Variants in DCBLD2 observed in about 807,000 individuals in gnomAD.
The protein encoded by DCBLD2 is discoidin, CUB and LCCL domain-containing protein 2.
In DCBLD2, 54 loss-of-function variants were observed where a neutral mutation model predicts 86.8. The ratio of observed to expected loss-of-function variants is 0.62; its 90% confidence interval spans 0.50 to 0.78. The LOEUF is 0.78. Among genes scored for constraint, DCBLD2 ranks in the 30% least tolerant of loss-of-function variants. The pLI, the probability that DCBLD2 is intolerant of heterozygous loss-of-function variation, is 0.00. For synonymous variants in DCBLD2, 354 were observed against 341.3 expected (o/e 1.04, Z -0.41); for missense variants, 908 against 954.2 (o/e 0.95, Z 0.64).
intron 9 of DCBLD2, chr3:98,815,630 A>G (rs1310044911): frequency 6.6e-6 from 1 of 152,224 alleles, no homozygotes; most frequent in Non-Finnish European, 1.5e-5. Flanking sequence ...AGATGAGGAT[A>G]TTAAAAGAGC....
In DCBLD2 at chr3:98,901,507, C is replaced by T. The variant is rs1005921646; in HGVS notation, c.-181G>A. The T allele has an allele frequency of 6.6e-4, 327 of 498,154 alleles. No individual in the cohort carries two copies. The highest frequency in any genetic ancestry group is 7.7e-4 in the Non-Finnish European group (249 of 324,852). The allele number at this position is 498,154 out of a possible 1,614,324, so 30.9% of individuals were successfully genotyped here. ...GCTTTCACCTACTCCTCCTTCGTCC[C>T]TTCCCTCCGCTCCCCGCGCCGAGAC... is the stretch of plus-strand genomic sequence containing the variant. On this transcript the variant is annotated 5_prime_UTR_variant, in exon 1 of 16. Transcript: ENST00000326840.
At chr3:98,848,628 T>C (rs114249628) in intron 3 of DCBLD2, among the ~76,000 whole-genome samples, 2 of 152,134 alleles carry the variant, frequency 1.3e-5, no homozygotes, top group African/African-American at 4.8e-5. Flanking sequence ...CTCACCAGCA[T>C]CTGAATAACC....
intron 2 of DCBLD2, among the ~76,000 whole-genome samples, chr3:98,881,267 A>C (rs200245187): frequency 0.29 from 17,855 of 62,488 alleles, 1,194 homozygotes; most frequent in South Asian, 0.39. Context: ...AAAAAAAAAC[A>C]AAAAAAAAAA....
intron 3 of DCBLD2, among the ~76,000 whole-genome samples, chr3:98,839,026 GGGAGA>G (rs201912206): frequency 0.027 from 4,061 of 151,534 alleles, 135 homozygotes; most frequent in African/African-American, 0.08. Flanking sequence ...GGAGACCGTC[GGGAGA>G]GGGAGAGGGA....
chr3:98,808,121 G>A lies in DCBLD2; in HGVS notation c.1630C>T (p.Leu544Phe), dbSNP rs764352446. The A allele has an allele frequency of 1.9e-6, 3 of 1,607,424 alleles. No homozygotes were observed. Among genetic ancestry groups the A allele is most frequent in the Admixed American group, 1.7e-5 (1 of 58,888 alleles). The change falls in exon 13 of 16, where the codon CTC (leucine) becomes TTC (phenylalanine). Residue 544 changes from leucine to phenylalanine, a missense_variant. Transcript: ENST00000326840. Reference protein sequence around the residue: ...VPVLVMVLTTLILILVCAWHW... With the variant: ...VPVLVMVLTTFILILVCAWHW... ...CAAGCACACACTAATATGAGAATGA[G>A]AGTAGTGAGGACCATGACCAGCACA...
intron 2 of DCBLD2, among the ~76,000 whole-genome samples, chr3:98,871,702 C>T (rs2107513111): frequency 6.6e-6 from 1 of 152,184 alleles, no homozygotes; most frequent in East Asian, 1.9e-4. Flanking sequence ...ATTTTTGCAC[C>T]TATGTTCATT....
chr3:98,820,196 G>T, intron 7 of DCBLD2, 52 bp downstream of exon 7: 1 of 1,220,828 alleles, frequency 8.2e-7, no homozygotes, highest in South Asian at 2.6e-5. Flanking sequence ...GCCTAACAGT[G>T]TTCAAAAAAT....
chr3:98,889,034 G>A lies in DCBLD2; in HGVS notation c.206-7267C>T, dbSNP rs373298347. Among the ~76,000 whole-genome samples the A allele has an allele frequency of 8.6e-5, 13 of 151,908 alleles. No individual in the cohort carries two copies. In the South Asian group the frequency reaches 2.7e-3, roughly 32 times the overall value. ...CTCTCCATCTGTTAAGCTGATCCTGGCCTCACTTCTTTCTCTACCTAGTCT... is the reference window on the plus strand; with the variant it reads ...CTCTCCATCTGTTAAGCTGATCCTGACCTCACTTCTTTCTCTACCTAGTCT... On this transcript the variant is annotated intron_variant, in intron 1 of 15. Transcript: ENST00000326840.
intron 3 of DCBLD2, among the ~76,000 whole-genome samples, chr3:98,842,649 G>C (rs924216116): frequency 1.3e-5 from 2 of 152,158 alleles, no homozygotes; most frequent in African/African-American, 4.8e-5. Context: ...AATTTTCTCA[G>C]ATGAAAATAA....
At chr3:98,810,719 GTTT>G (rs140677554) in intron 12 of DCBLD2, among the ~76,000 whole-genome samples, 1 of 151,216 alleles carries the variant, frequency 6.6e-6, no homozygotes, top group Non-Finnish European at 1.5e-5. Flanking sequence ...AGAGACCAAA[GTTT>G]TTTTTTATGA....
chr3:98,820,301 A>G lies in DCBLD2; in HGVS notation c.831-13T>C. ...AGATAAGTGTCCCCTGAAAGAGAGA[A>G]GGGTTTTTTTTGGTGATACTCACAT... On this transcript the variant is annotated splice_polypyrimidine_tract_variant and intron_variant, in intron 6 of 15. Coordinates refer to ENST00000326840, the MANE Select transcript of DCBLD2 (RefSeq NM_080927.4). The G allele has an allele frequency of 6.9e-7, 1 of 1,458,724 alleles. No homozygotes were observed. The highest frequency in any genetic ancestry group is 1.7e-5 in the South Asian group (1 of 57,926). 90.4% of individuals were successfully genotyped at this position (1,458,724 alleles called of 1,614,324 possible).
intron 1 of DCBLD2, among the ~76,000 whole-genome samples, chr3:98,882,992 G>A (rs919936613): frequency 3.9e-5 from 6 of 152,090 alleles, no homozygotes; most frequent in Non-Finnish European, 4.4e-5. Flanking sequence ...TTGAGGAATC[G>A]CCACACTGTC....
intron 2 of DCBLD2, among the ~76,000 whole-genome samples, chr3:98,855,432 C>A (rs889282605): frequency 2.6e-5 from 4 of 152,170 alleles, no homozygotes; most frequent in Non-Finnish European, 5.9e-5. Flanking sequence ...ACATATGCAA[C>A]CCAGTGACCC....
intron 9 of DCBLD2, chr3:98,816,269 T>G (rs1234952897): frequency 6.7e-6 from 1 of 149,832 alleles, no homozygotes; most frequent in Non-Finnish European, 1.5e-5. Context: ...AAAAAACCAC[T>G]GATCAACCCA....
At position 98,822,273 on chromosome 3, in the gene DCBLD2, A is replaced by G; in HGVS notation, c.785T>C (p.Ile262Thr). 6.2e-7 allele frequency: 1 copy of G among 1,613,916 alleles called. No individual in the cohort carries two copies. The highest frequency in any genetic ancestry group is 1.7e-5 in the Admixed American group (1 of 60,010). Reference sequence around the variant, plus strand: ...AGCCAAAGAACTTTCATAATAGGGGATACCTTTACTAATTACAACACTGAT... The same window carrying G: ...AGCCAAAGAACTTTCATAATAGGGGGTACCTTTACTAATTACAACACTGAT... ...GQISVVISKG[I>T]PYYESSLANN... Residue 262 changes from isoleucine (I) to threonine (T), a missense_variant, in exon 6 of 16, where the codon ATC becomes ACC. Physicochemically the swap from Ile to Thr is moderately conservative, Grantham distance 89. Transcript: ENST00000326840.
At chr3:98,839,157 TTC>T (rs376370581) in intron 3 of DCBLD2, among the ~76,000 whole-genome samples, 1 of 69,604 alleles carries the variant, frequency 1.4e-5, no homozygotes, top group African/African-American at 4.0e-5. Flanking sequence ...CTTTCTTTCT[TTC>T]TTTCTTTCTT....
intron 2 of DCBLD2, among the ~76,000 whole-genome samples, chr3:98,875,038 A>C (rs1304049977): frequency 6.6e-6 from 1 of 152,226 alleles, no homozygotes; most frequent in East Asian, 1.9e-4. Flanking sequence ...CTACTGTTTA[A>C]CGTAGTCCTG....
chr3:98,800,761 G>A (rs200741499), intron 14 of DCBLD2, 45 bp from the exon 15 acceptor site: 2 of 1,612,228 alleles, frequency 1.2e-6, no homozygotes, highest in East Asian at 2.2e-5. Context: ...ATAAAAACCT[G>A]TATCTCAAAC....
At chr3:98,821,861 C>A (rs2107448047) in intron 6 of DCBLD2, among the ~76,000 whole-genome samples, 1 of 152,204 alleles carries the variant, frequency 6.6e-6, no homozygotes, top group Middle Eastern at 3.4e-3. Flanking sequence ...GCCTGGCCAA[C>A]ATGGTGAAAC....
Sources: gnomAD v4.1 joint callset for allele counts (sites outside exome capture counted in the v4.1 genomes callset) on GRCh38, gnomAD v4.1.1 for gene constraint, MANE v1.5 for transcripts, NCBI Gene and HGNC (gene_info 2026-07-23, HGNC 2026-07-21) for gene names.